Variants in HSD17B4 observed in about 807,000 individuals in gnomAD.
HSD17B4 encodes the protein hydroxysteroid 17-beta dehydrogenase 4.
HSD17B4 carries 70 observed loss-of-function variants against 101.0 expected under a neutral mutation model. That is an observed-to-expected ratio of 0.69 (90% CI 0.57 to 0.85). The LOEUF (loss-of-function observed/expected upper bound fraction) is 0.85. HSD17B4 is among the 40% of genes least tolerant of loss of function. The probability of loss-of-function intolerance (pLI) is 0.00; values close to 1 mark genes in which losing one functional copy is unlikely to be tolerated. For missense variants in HSD17B4, 984 were observed against 892.4 expected (o/e 1.10, Z -1.31); for synonymous variants, 347 against 297.1 (o/e 1.17, Z -1.73).
At chr5:119,513,162 T>C (rs930935401) in intron 16 of HSD17B4, among the ~76,000 whole-genome samples, 1 of 152,188 alleles carries the variant, frequency 6.6e-6, no homozygotes, top group African/African-American at 2.4e-5. Flanking sequence ...GGTAGCAAAT[T>C]ATGAGTTATT....
At chr5:119,454,307 AT>A (rs5870857) in intron 1 of HSD17B4, among the ~76,000 whole-genome samples, 48 of 146,878 alleles carry the variant, frequency 3.3e-4, no homozygotes, top group Admixed American at 5.4e-4. Flanking sequence ...AGTTGATTAA[AT>A]TTTTTTTTTT....
chr5:119,517,467 C>G (rs1752730844), intron 17 of HSD17B4, among the ~76,000 whole-genome samples: 1 of 152,240 alleles, frequency 6.6e-6, no homozygotes, highest in African/African-American at 2.4e-5. Flanking sequence ...GTCCCATCGA[C>G]CACCCAAGGG....
chr5:119,484,667 T>C (rs1339299971), intron 8 of HSD17B4, among the ~76,000 whole-genome samples: 1 of 152,170 alleles, frequency 6.6e-6, no homozygotes, highest in Non-Finnish European at 1.5e-5. Flanking sequence ...AGCTACTCCA[T>C]GGAACACAAA....
chr5:119,479,550 G>A (rs900347974), intron 8 of HSD17B4, among the ~76,000 whole-genome samples: 5 of 152,088 alleles, frequency 3.3e-5, no homozygotes, highest in Non-Finnish European at 7.4e-5. Flanking sequence ...TTTCACAAAT[G>A]CATAAAGTTA....
chr5:119,536,444 C>T lies in HSD17B4; in HGVS notation c.2015C>T (p.Ser672Phe), dbSNP rs1309977227. 1 of 1,612,386 alleles carries T rather than the reference C, an allele frequency of 6.2e-7. No individual in the cohort carries two copies. The highest frequency in any genetic ancestry group is 1.7e-5 in the Admixed American group (1 of 59,872). ...CCAGCTATTGACCTGAAAAGTGGTT[C>T]TGGAAAAGTGTACCAAGGCCCTGCA... ...AKWTIDLKSG[S>F]GKVYQGPAKG... The change falls in exon 23 of 24, where the codon TCT becomes TTT. Residue 672 changes from serine to phenylalanine, a missense_variant. Physicochemically the swap from Ser to Phe is radical, Grantham distance 155. Transcript: ENST00000510025.
chr5:119,515,677 AG>A (rs1476040930), intron 17 of HSD17B4, among the ~76,000 whole-genome samples: 1 of 152,198 alleles, frequency 6.6e-6, no homozygotes, highest in African/African-American at 2.4e-5. Flanking sequence ...TTTATTTTTG[AG>A]AGACCTTAAG....
At chr5:119,516,887 G>T (rs1752655807) in intron 17 of HSD17B4, among the ~76,000 whole-genome samples, 1 of 152,268 alleles carries the variant, frequency 6.6e-6, no homozygotes. Context: ...CAGACAGTCA[G>T]AGAAGGGATA....
At chr5:119,484,006 C>G (rs1250995846) in intron 8 of HSD17B4, among the ~76,000 whole-genome samples, 2 of 152,082 alleles carry the variant, frequency 1.3e-5, no homozygotes, top group African/African-American at 4.8e-5. Context: ...TGTTATAGCT[C>G]TTAAGTTTCC....
Position 119,463,655 on chromosome 5 carries a change from C to CTTTTTTTTTTTTTT in HSD17B4, c.112+7304_112+7317dup, listed in dbSNP as rs57252147. 2.8e-3 allele frequency among the ~76,000 whole-genome samples: 83 copies of CTTTTTTTTTTTTTT among 29,702 alleles called. 11 individuals are homozygous for CTTTTTTTTTTTTTT. The highest frequency in any genetic ancestry group is 4.2e-3 in the East Asian group (2 of 474). The allele number at this position is 29,702 out of a possible 152,430, so 19.5% of individuals were successfully genotyped here. A position where few individuals can be genotyped will look rare whatever the true frequency, so the allele number is the denominator to read the frequency against. Reference sequence around the variant, plus strand: ...ATATACTTCTTGGCCATTTATATGTCTTTTTTTTTTTTTTTTTTTTTTTTT... The same window carrying CTTTTTTTTTTTTTT: ...ATATACTTCTTGGCCATTTATATGTCTTTTTTTTTTTTTTTTTTTTTTTTTTTTTTTTTTTTTTT... On this transcript the variant is annotated intron_variant, in intron 2 of 23. Transcript: ENST00000510025.
At chr5:119,458,186 A>G (rs994587768) in intron 2 of HSD17B4, among the ~76,000 whole-genome samples, 9 of 152,218 alleles carry the variant, frequency 5.9e-5, no homozygotes, top group African/African-American at 2.2e-4. Context: ...ATGAAGAGCC[A>G]GATTTAGTTT....
Position 119,496,790 on chromosome 5 carries a change from G to A in HSD17B4, c.972+144G>A, listed in dbSNP as rs995170495. 6.7e-6 allele frequency: 5 copies of A among 744,488 alleles called. No homozygotes were observed. The African/African-American group carries it at 7.0e-5, about 10-fold the overall frequency. The allele number at this position is 744,488 out of a possible 1,614,324, so 46.1% of individuals were successfully genotyped here. On this transcript the variant is annotated intron_variant, in intron 12 of 23. Transcript: ENST00000510025. ...TTTCAGTCTCTAATAATGGAGAGAA[G>A]CAGTGGCAGAGATAATTTAAAATAG...
chr5:119,477,923 T>C, intron 7 of HSD17B4: 1 of 185,400 alleles, frequency 5.4e-6, no homozygotes, highest in South Asian at 1.1e-4. Context: ...GGCAAGTTTT[T>C]TAATTTTTTG....
At chr5:119,496,718 C>T in intron 12 of HSD17B4, 72 bp downstream of exon 12, 1 of 829,062 alleles carries the variant, frequency 1.2e-6, no homozygotes, top group South Asian at 1.3e-5. Context: ...TCCCTGCTTT[C>T]TTCCTCCCCT....
chr5:119,541,889 C>T lies in HSD17B4; in HGVS notation c.2122-16C>T, dbSNP rs199680208. 51 of 1,541,436 alleles carry T rather than the reference C, an allele frequency of 3.3e-5. No homozygotes were observed. The African/African-American group carries it at 6.1e-4, about 19-fold the overall frequency. On this transcript the variant is annotated splice_polypyrimidine_tract_variant and intron_variant, in intron 23 of 23. Coordinates refer to ENST00000510025, the MANE Select transcript of HSD17B4 (RefSeq NM_000414.4). Reference sequence around the variant, plus strand: ...ATGGTAACAGTTGGCACTCTTTTTCCCTCCTCTCCTTGCAGGCATTCTTTA... The same window carrying T: ...ATGGTAACAGTTGGCACTCTTTTTCTCTCCTCTCCTTGCAGGCATTCTTTA...
intron 14 of HSD17B4, among the ~76,000 whole-genome samples, chr5:119,503,699 A>G (rs563627763): frequency 6.0e-4 from 91 of 151,050 alleles, no homozygotes; most frequent in Middle Eastern, 3.5e-3. Flanking sequence ...AAAAATAACC[A>G]CTAGAAGGAG....
intron 2 of HSD17B4, among the ~76,000 whole-genome samples, chr5:119,465,867 A>G (rs1312449684): frequency 6.6e-6 from 1 of 152,216 alleles, no homozygotes; most frequent in Non-Finnish European, 1.5e-5. Context: ...TATGTTGAAT[A>G]AGAGCGGTGA....
chr5:119,507,855 T>C (rs150244091), intron 15 of HSD17B4, among the ~76,000 whole-genome samples: 1 of 152,152 alleles, frequency 6.6e-6, no homozygotes, highest in East Asian at 1.9e-4. Flanking sequence ...AGTTTAAATT[T>C]GTAAGTTTTA....
chr5:119,517,985 C>G (rs567146714), intron 17 of HSD17B4, among the ~76,000 whole-genome samples: 2 of 152,062 alleles, frequency 1.3e-5, no homozygotes, highest in African/African-American at 4.8e-5. Context: ...GGATTGTAAA[C>G]GCACCAATCA....
At chr5:119,452,796 C>T in intron 1 of HSD17B4, 163 bp downstream of exon 1, 1 of 1,542,370 alleles carries the variant, frequency 6.5e-7, no homozygotes. Flanking sequence ...GAGGAAAGAG[C>T]CGGAAACACC....
Sources: gnomAD v4.1 joint callset for allele counts (sites outside exome capture counted in the v4.1 genomes callset) on GRCh38, gnomAD v4.1.1 for gene constraint, MANE v1.5 for transcripts, NCBI Gene and HGNC (gene_info 2026-07-23, HGNC 2026-07-21) for gene names.